The following ABL1 variants were observed in gnomAD, a reference collection of about 807,000 sequenced individuals.
ABL1 encodes the protein tyrosine-protein kinase ABL1.
In ABL1, 11 loss-of-function variants were observed where a neutral mutation model predicts 94.7. That is an observed-to-expected ratio of 0.12 (90% CI 0.07 to 0.19). The LOEUF is 0.19. Among genes scored for constraint, ABL1 ranks in the 10% least tolerant of loss-of-function variants. The pLI is 1.00. For missense variants in ABL1, 1,082 were observed against 1,489.4 expected (o/e 0.73, Z 4.50); for synonymous variants, 656 against 622.4 (o/e 1.05, Z -0.80).
intron 6 of ABL1, among the ~76,000 whole-genome samples, chr9:130,874,208 C>T (rs1249317195): frequency 1.3e-5 from 2 of 152,136 alleles, no homozygotes; most frequent in Non-Finnish European, 2.9e-5. Context: ...GGTTAATGTT[C>T]ATGAACCAAA....
chr9:130,860,709 T>G lies in ABL1; in HGVS notation c.550-2054T>G, dbSNP rs58896994. ...GTGGTGCTCTGATTGCAGGAATGTC[T>G]TCTTGGAATGGCTTTTCTCACTTCT... On this transcript the variant is annotated intron_variant, in intron 3 of 10. Coordinates refer to ENST00000318560, the MANE Select transcript of ABL1 (RefSeq NM_005157.6). 8.6e-3 allele frequency among the ~76,000 whole-genome samples: 1,309 copies of G among 152,324 alleles called. 22 individuals carry two copies. The highest frequency in any genetic ancestry group is 0.03 in the African/African-American group (1,258 of 41,562).
At chr9:130,801,889 C>CTTTG (rs1457968578) in intron 1 of ABL1, among the ~76,000 whole-genome samples, 5 of 152,090 alleles carry the variant, frequency 3.3e-5, no homozygotes, top group Non-Finnish European at 7.4e-5. Context: ...GTGCAAGCTG[C>CTTTG]TTTGTTTCTT....
chr9:130,802,570 A>G (rs914648110), intron 1 of ABL1, among the ~76,000 whole-genome samples: 1 of 151,884 alleles, frequency 6.6e-6, no homozygotes, highest in East Asian at 1.9e-4. Flanking sequence ...TGTTGTTCCT[A>G]TTTCCCCCAT....
At chr9:130,784,451 C>T (rs1219601264) in intron 1 of ABL1, among the ~76,000 whole-genome samples, 1 of 152,178 alleles carries the variant, frequency 6.6e-6, no homozygotes, top group African/African-American at 2.4e-5. Context: ...GTATTTTGGC[C>T]AGTTAATAAG....
intron 1 of ABL1, among the ~76,000 whole-genome samples, chr9:130,849,499 A>G (rs1294606377): frequency 6.6e-6 from 1 of 151,762 alleles, no homozygotes; most frequent in Non-Finnish European, 1.5e-5. Flanking sequence ...GCGTTCACAC[A>G]CTTTCCATGT....
intron 1 of ABL1, among the ~76,000 whole-genome samples, chr9:130,762,282 T>A (rs1832126327): frequency 6.6e-6 from 1 of 152,190 alleles, no homozygotes; most frequent in Non-Finnish European, 1.5e-5. Flanking sequence ...GAAGGAGGGT[T>A]CATAGTAGAT....
chr9:130,867,898 G>A (rs1831182861), intron 4 of ABL1, among the ~76,000 whole-genome samples: 1 of 151,360 alleles, frequency 6.6e-6, no homozygotes, highest in African/African-American at 2.4e-5. Context: ...CCTCTGGAGT[G>A]TGAATCGCCT....
rs892843312 is a variant in ABL1 at position 130,886,909 on chromosome 9, A to G, written c.*1226A>G. 1.7e-5 allele frequency: 4 copies of G among 233,084 alleles called. No individual in the cohort carries two copies. The highest frequency in any genetic ancestry group is 3.6e-4 in the South Asian group (2 of 5,522). The allele number at this position is 233,084 out of a possible 1,614,324, so 14.4% of individuals were successfully genotyped here. Reference sequence around the variant, plus strand: ...ATGTCTTATTTAATTACCGTGAGTGACATAGCCTCATGTTCTGTGGGGGTC... The same window carrying G: ...ATGTCTTATTTAATTACCGTGAGTGGCATAGCCTCATGTTCTGTGGGGGTC... On this transcript the variant is annotated 3_prime_UTR_variant, in exon 11 of 11. Coordinates refer to ENST00000318560, the MANE Select transcript of ABL1 (RefSeq NM_005157.6).
Position 130,855,110 on chromosome 9 carries a change from G to A in ABL1, c.549+14G>A, listed in dbSNP as rs762122930. The A allele has an allele frequency of 1.6e-5, 26 of 1,607,158 alleles. No homozygotes were observed. The Admixed American group carries it at 1.7e-4, about 10-fold the overall frequency. ...TCTGATGGCAAGGTAGGGGACCCTT[G>A]GCAGGGGGCGCTGATGGGCCCAGGG... On this transcript the variant is annotated intron_variant, in intron 3 of 10. Coordinates refer to ENST00000318560, the MANE Select transcript of ABL1 (RefSeq NM_005157.6).
At chr9:130,735,961 A>ATATATATATATATATATTTTTTT (rs573602038) in intron 1 of ABL1, among the ~76,000 whole-genome samples, 1 of 94,886 alleles carries the variant, frequency 1.1e-5, no homozygotes, top group African/African-American at 6.4e-5. Context: ...ATATATATAT[A>ATATATATATATATATATTTTTTT]TTTTTTTTTT....
chr9:130,725,330 A>C (rs1831567213), intron 1 of ABL1, among the ~76,000 whole-genome samples: 1 of 152,046 alleles, frequency 6.6e-6, no homozygotes, highest in African/African-American at 2.4e-5. Context: ...CTATAATAAT[A>C]CAATATTTGC....
At chr9:130,841,051 T>G (rs943521443) in intron 1 of ABL1, among the ~76,000 whole-genome samples, 1 of 152,186 alleles carries the variant, frequency 6.6e-6, no homozygotes, top group Non-Finnish European at 1.5e-5. Context: ...TTGGCTTCCC[T>G]GGGCCACATT....
At position 130,757,705 on chromosome 9, in the gene ABL1, A is replaced by AT. The variant is rs565491566; in HGVS notation, c.136+43258dup. ...AGGCACCCACCACCACGCCCGGCTA[A>AT]TTTTTTTTGTATTTTGTTATAGAGA... is the stretch of plus-strand genomic sequence containing the variant. On this transcript the variant is annotated intron_variant, in intron 1 of 10. Coordinates refer to the ABL1 transcript ENST00000372348. Among the ~76,000 whole-genome samples the AT allele has an allele frequency of 1.1e-3, 161 of 151,022 alleles. 1 individual carries two copies. The highest frequency in any genetic ancestry group is 5.3e-3 in the South Asian group (25 of 4,758).
chr9:130,797,236 G>GAAAA (rs71389356), intron 1 of ABL1, among the ~76,000 whole-genome samples: 6 of 55,168 alleles, frequency 1.1e-4, no homozygotes, highest in African/African-American at 3.0e-4. Context: ...ACTCCATCTC[G>GAAAA]AAAAAAAAAA....
intron 1 of ABL1, among the ~76,000 whole-genome samples, chr9:130,739,246 C>T (rs1831784528): frequency 6.6e-6 from 1 of 152,146 alleles, no homozygotes; most frequent in South Asian, 2.1e-4. Context: ...TAGTGGTAAG[C>T]TGCCTTTGTA....
At chr9:130,748,236 C>G (rs1326529466) in intron 1 of ABL1, among the ~76,000 whole-genome samples, 1 of 152,118 alleles carries the variant, frequency 6.6e-6, no homozygotes, top group East Asian at 1.9e-4. Flanking sequence ...TGAATCATAA[C>G]TAAAGGAAAG....
At chr9:130,731,585 G>T (rs1047825850) in intron 1 of ABL1, among the ~76,000 whole-genome samples, 2 of 152,144 alleles carry the variant, frequency 1.3e-5, no homozygotes, top group African/African-American at 4.8e-5. Flanking sequence ...ATACATGTAC[G>T]TGTGGATCTG....
chr9:130,735,961 A>ATTTTTTT (rs141181174), intron 1 of ABL1, among the ~76,000 whole-genome samples: 64 of 94,794 alleles, frequency 6.8e-4, no homozygotes, highest in East Asian at 1.6e-3. Flanking sequence ...ATATATATAT[A>ATTTTTTT]TTTTTTTTTT....
intron 1 of ABL1, among the ~76,000 whole-genome samples, chr9:130,733,841 C>G (rs752531594): frequency 6.6e-6 from 1 of 151,998 alleles, no homozygotes; most frequent in Non-Finnish European, 1.5e-5. Context: ...CCGCCCGCCT[C>G]GGCCTCCCAA....
Sources: allele counts gnomAD v4.1 joint callset (sites outside exome capture counted in the v4.1 genomes callset), GRCh38; gene constraint gnomAD v4.1.1; transcripts MANE v1.5; gene names NCBI Gene and HGNC (gene_info 2026-07-23, HGNC 2026-07-21).